PDE1C: variants seen among roughly 807,000 people sequenced by gnomAD.
PDE1C encodes the protein dual specificity calcium/calmodulin-dependent 3',5'-cyclic nucleotide phosphodiesterase 1C.
Under a neutral mutation model 93.1 loss-of-function variants are expected in PDE1C, and 62 were observed. That is an observed-to-expected ratio of 0.67 (90% CI 0.54 to 0.82). The LOEUF is 0.82. Ranked by LOEUF, PDE1C falls within the 40% of genes least tolerant of loss-of-function variation. PDE1C has a pLI of 0.00. For missense variants in PDE1C, 742 were observed against 884.6 expected (o/e 0.84, Z 2.04); for synonymous variants, 325 against 310.1 (o/e 1.05, Z -0.50).
At position 32,297,984 on chromosome 7, in the gene PDE1C, TCTCTCTCTCTCTCC is replaced by T. The variant is rs763104368; in HGVS notation, c.85+653_85+666del. ...CTCTCTCTCTCTCTCTCTCTCTCTC[TCTCTCTCTCTCTCC>T]TCTCTCTCTCTCTCTCTCCCTCTCT... On this transcript the variant is annotated intron_variant, in intron 1 of 18. Coordinates refer to the PDE1C transcript ENST00000396193. Among the ~76,000 whole-genome samples the T allele has an allele frequency of 9.9e-3, 755 of 75,958 alleles. 32 individuals are homozygous for T. Among genetic ancestry groups the T allele is most frequent in the East Asian group, 0.053 (105 of 1,994 alleles). 49.8% of individuals were successfully genotyped at this position (75,958 alleles called of 152,430 possible).
chr7:31,637,354 C>G, the PDE1C span, among the ~76,000 whole-genome samples: 1 of 152,120 alleles, frequency 6.6e-6, no homozygotes, highest in Non-Finnish European at 1.5e-5. Context: ...GTCCCACCAA[C>G]AGTGTAAAAG....
At chr7:31,620,496 A>G in the PDE1C span, among the ~76,000 whole-genome samples, 1 of 151,584 alleles carries the variant, frequency 6.6e-6, no homozygotes, top group East Asian at 1.9e-4. Context: ...ACCCAGGCAA[A>G]CAGGGTCTGG....
At chr7:31,960,269 G>A (rs1329278393) in intron 2 of PDE1C, among the ~76,000 whole-genome samples, 1 of 152,124 alleles carries the variant, frequency 6.6e-6, no homozygotes, top group Non-Finnish European at 1.5e-5. Flanking sequence ...CCAACAACGG[G>A]ACAACTGACA....
At chr7:31,696,410 G>T in the PDE1C span, among the ~76,000 whole-genome samples, 1 of 152,190 alleles carries the variant, frequency 6.6e-6, no homozygotes, top group African/African-American at 2.4e-5. Context: ...AAAAAGGACT[G>T]TTGGAGCTCA....
intron 1 of PDE1C, among the ~76,000 whole-genome samples, chr7:32,253,566 C>T (rs1809549935): frequency 6.6e-6 from 1 of 152,146 alleles, no homozygotes; most frequent in East Asian, 1.9e-4. Context: ...TCCAAAGGGT[C>T]CTGATTACTT....
chr7:31,652,651 C>T, the PDE1C span: 108 of 1,613,888 alleles, frequency 6.7e-5, no homozygotes, highest in South Asian at 1.2e-3. Context: ...ACTGTGTTTC[C>T]TCCCGATGAT....
chr7:31,711,260 A>G, the PDE1C span, among the ~76,000 whole-genome samples: 1 of 152,232 alleles, frequency 6.6e-6, no homozygotes, highest in South Asian at 2.1e-4. Flanking sequence ...TTTAATATCC[A>G]TCAATCAAAT....
intron 3 of PDE1C, among the ~76,000 whole-genome samples, chr7:32,126,604 T>C (rs1377187663): frequency 1.3e-5 from 2 of 152,158 alleles, no homozygotes; most frequent in African/African-American, 4.8e-5. Context: ...AAAAGGAGTA[T>C]ATCTGTGACA....
chr7:32,267,111 G>T (rs938575106), intron 1 of PDE1C, among the ~76,000 whole-genome samples: 1 of 152,184 alleles, frequency 6.6e-6, no homozygotes, highest in South Asian at 2.1e-4. Context: ...GCGGGGCCTC[G>T]ACCCAAAGCC....
chr7:31,674,269 A>G, the PDE1C span, among the ~76,000 whole-genome samples: 1 of 152,170 alleles, frequency 6.6e-6, no homozygotes, highest in Non-Finnish European at 1.5e-5. Flanking sequence ...GAAAAATAGT[A>G]TGCTTTGATG....
At chr7:31,763,022 T>G (rs1477490506) in intron 17 of PDE1C, among the ~76,000 whole-genome samples, 1 of 152,146 alleles carries the variant, frequency 6.6e-6, no homozygotes, top group Non-Finnish European at 1.5e-5. Context: ...TGCCCAAGCC[T>G]TACCCCCAGG....
At chr7:32,368,458 A>T (rs1391198452) in intron 1 of PDE1C, among the ~76,000 whole-genome samples, 7 of 152,204 alleles carry the variant, frequency 4.6e-5, no homozygotes, top group Non-Finnish European at 8.8e-5. Flanking sequence ...GAAGTGAAAG[A>T]CTTCTACAAG....
intron 1 of PDE1C, among the ~76,000 whole-genome samples, chr7:32,298,298 AT>A (rs942034627): frequency 2.0e-5 from 3 of 151,644 alleles, no homozygotes; most frequent in African/African-American, 7.3e-5. Context: ...TCTCGGCACT[AT>A]CTTCATCTCT....
At chr7:31,982,486 C>T (rs1000896429) in intron 2 of PDE1C, among the ~76,000 whole-genome samples, 3 of 151,920 alleles carry the variant, frequency 2.0e-5, no homozygotes, top group African/African-American at 7.3e-5. Context: ...CCAATTTACA[C>T]AAGAATCAAT....
chr7:32,365,914 C>T (rs1460368884), intron 1 of PDE1C, among the ~76,000 whole-genome samples: 1 of 152,100 alleles, frequency 6.6e-6, no homozygotes, highest in East Asian at 1.9e-4. Flanking sequence ...TCCCAAAACA[C>T]ATTCCTATGA....
At chr7:31,719,362 T>C in the PDE1C span, among the ~76,000 whole-genome samples, 5 of 152,204 alleles carry the variant, frequency 3.3e-5, no homozygotes, top group Non-Finnish European at 7.4e-5. Context: ...CTGCCTGTCC[T>C]GTGAGGGGAA....
At chr7:31,631,212 G>GT in the PDE1C span, among the ~76,000 whole-genome samples, 2 of 152,220 alleles carry the variant, frequency 1.3e-5, no homozygotes, top group South Asian at 2.1e-4. Context: ...CCTATCAATT[G>GT]TTTTTTACAG....
chr7:32,215,375 G>A (rs1806356176), intron 1 of PDE1C, among the ~76,000 whole-genome samples: 1 of 152,098 alleles, frequency 6.6e-6, no homozygotes, highest in African/African-American at 2.4e-5. Context: ...CCGGTCCCTG[G>A]TGCCATAAAG....
intron 2 of PDE1C, among the ~76,000 whole-genome samples, chr7:31,972,894 A>G (rs1811149743): frequency 6.6e-6 from 1 of 152,082 alleles, no homozygotes. Flanking sequence ...TCTGCCTCCA[A>G]ATTTGGTGAT....
Sources: allele counts gnomAD v4.1 joint callset (sites outside exome capture counted in the v4.1 genomes callset), GRCh38; gene constraint gnomAD v4.1.1; transcripts MANE v1.5; gene names NCBI Gene and HGNC (gene_info 2026-07-23, HGNC 2026-07-21).